The following PLG variants were observed in gnomAD, a reference collection of about 807,000 sequenced individuals.
The protein encoded by PLG is plasminogen, also known as plasmin.
In PLG, 41 loss-of-function variants were observed where a neutral mutation model predicts 104.4. That is an observed-to-expected ratio of 0.39 (90% CI 0.31 to 0.51). PLG has a LOEUF of 0.51. Ranked by LOEUF, PLG falls within the 20% of genes least tolerant of loss-of-function variation. The pLI, the probability that PLG is intolerant of heterozygous loss-of-function variation, is 0.76. For missense variants in PLG, 891 were observed against 1,003.6 expected, an observed-to-expected ratio of 0.89 and a Z score of 1.52; for synonymous variants, 337 against 357.1, an observed-to-expected ratio of 0.94 and a Z score of 0.63.
At chr6:160,711,485 T>C in intron 4 of PLG, 1 of 1,262,856 alleles carries the variant, frequency 7.9e-7, no homozygotes, top group Non-Finnish European at 1.1e-6. Flanking sequence ...CCACAGTTGG[T>C]TGAATTTGTG....
intron 10 of PLG, among the ~76,000 whole-genome samples, chr6:160,728,492 T>A (rs1704980835): frequency 1.0e-5 from 1 of 100,280 alleles, no homozygotes; most frequent in Admixed American, 1.1e-4. Context: ...GAGGACTTAC[T>A]TACCCAAAGG....
In PLG at chr6:160,753,038, G is replaced by A. The variant is rs774103177; in HGVS notation, c.2410G>A (p.Glu804Lys). 6.3e-7 allele frequency: 1 copy of A among 1,592,656 alleles called. No individual in the cohort carries two copies. Among genetic ancestry groups the A allele is most frequent in the South Asian group, 1.1e-5 (1 of 90,438 alleles). The change falls in exon 19 of 19, where the codon GAG becomes AAG. Residue 804 changes from glutamate to lysine, a missense_variant. Glu to Lys is a moderately conservative substitution (Grantham distance 56, BLOSUM62 1). Around this residue, in one of 2 missense-constraint regions of PLG, gnomAD observed 37 missense variants for 71.5 expected, o/e 0.52. Coordinates refer to ENST00000308192, the MANE Select transcript of PLG (RefSeq NM_000301.5). This position sits in a 1 kb window ranked among gnomAD's most constrained non-coding sequence, Gnocchi z 5.4. ...VRVSRFVTWI[E>K]GVMRNN ...TGTTTCAAGGTTTGTTACTTGGATTGAGGGAGTGATGAGAAATAATTAATT... is the reference window on the plus strand; with the variant it reads ...TGTTTCAAGGTTTGTTACTTGGATTAAGGGAGTGATGAGAAATAATTAATT...
intron 12 of PLG, among the ~76,000 whole-genome samples, chr6:160,733,758 C>T (rs951435201): frequency 6.2e-5 from 9 of 145,258 alleles, no homozygotes; most frequent in Non-Finnish European, 9.0e-5. Flanking sequence ...GCAGGAGAAT[C>T]GCTTGAACCC....
intron 1 of PLG, among the ~76,000 whole-genome samples, chr6:160,705,035 T>C (rs1025404891): frequency 3.3e-5 from 5 of 152,202 alleles, no homozygotes; most frequent in Non-Finnish European, 7.3e-5. Flanking sequence ...TGCTGCAGCC[T>C]CCACTGCTCT....
intron 1 of PLG, 111 bp from the exon 2 acceptor site, chr6:160,706,294 CAG>C (rs4252069): frequency 0.21 from 292,332 of 1,418,706 alleles, 36,336 homozygotes; most frequent in East Asian, 0.54. Context: ...TTCCAGTAAA[CAG>C]AAAGTTTTAT....
At chr6:160,720,488 C>T (rs375424579) in intron 9 of PLG, among the ~76,000 whole-genome samples, 10 of 128,308 alleles carry the variant, frequency 7.8e-5, no homozygotes, top group South Asian at 5.2e-4. Flanking sequence ...GGCGCAATCT[C>T]GGCTCACTGC....
At chr6:160,751,587 C>T (rs1404982469) in intron 17 of PLG, among the ~76,000 whole-genome samples, 1 of 152,140 alleles carries the variant, frequency 6.6e-6, no homozygotes, top group Non-Finnish European at 1.5e-5. Context: ...TCATGTGCAA[C>T]CATCATCATA....
chr6:160,718,610 T>C, intron 8 of PLG, 83 bp from the exon 9 acceptor site: 1 of 1,480,328 alleles, frequency 6.8e-7, no homozygotes. Context: ...GCACGTTTTT[T>C]CCCGTAACGG....
rs1344177192 is a variant in PLG, at chr6:160,714,870, C to A, written c.624C>A (p.Ala208=). Residue 208 remains alanine, a synonymous_variant, in exon 6 of 19, where the codon GCC becomes GCA. Coordinates refer to ENST00000308192, the MANE Select transcript of PLG (RefSeq NM_000301.5). ...SKTMSGLECQ[A]WDSQSPHAHG... ...CCATGTCTGGACTGGAATGCCAGGC[C>A]TGGGACTCTCAGAGCCCACACGCTC... 5 of 1,613,518 alleles carry A rather than the reference C, an allele frequency of 3.1e-6. No homozygotes were observed. Among genetic ancestry groups the A allele is most frequent in the Non-Finnish European group, 3.4e-6 (4 of 1,179,602 alleles).
intron 9 of PLG, among the ~76,000 whole-genome samples, chr6:160,720,451 A>C (rs1449052858): frequency 2.0e-5 from 2 of 102,224 alleles, no homozygotes; most frequent in Non-Finnish European, 3.5e-5. Flanking sequence ...ATGGAGCCTC[A>C]CTCTGTCACC....
rs1778070434 is a variant in PLG at position 160,735,339 on chromosome 6, G to A, written c.1681+1251G>A. ...TTCTTGCCTCAGACCCCACTACCGT[G>A]CCTGGGACTCATGCACCTTTGACTC... On this transcript the variant is annotated intron_variant, in intron 13 of 18. Coordinates refer to ENST00000308192, the MANE Select transcript of PLG (RefSeq NM_000301.5). This position sits in a 1 kb window ranked among gnomAD's most constrained non-coding sequence, Gnocchi z 5.4. Among the ~76,000 whole-genome samples, 1 of 152,130 alleles carries A rather than the reference G, an allele frequency of 6.6e-6. No individual in the cohort carries two copies. Among genetic ancestry groups the A allele is most frequent in the Admixed American group, 6.5e-5 (1 of 15,274 alleles).
chr6:160,733,932 T>C, intron 12 of PLG, 63 bp from the exon 13 acceptor site: 1 of 831,314 alleles, frequency 1.2e-6, no homozygotes, highest in Admixed American at 1.7e-5. Flanking sequence ...GCGTGAGCCT[T>C]GGAACACCTT....
chr6:160,712,457 T>C (rs570360470), intron 4 of PLG, among the ~76,000 whole-genome samples: 66 of 152,308 alleles, frequency 4.3e-4, no homozygotes, highest in Non-Finnish European at 7.5e-4. Context: ...TCATAGCTAT[T>C]TACACTTAGG....
Position 160,722,489 on chromosome 6 carries a change from C to T in PLG, c.1178C>T (p.Thr393Ile). 1.2e-6 allele frequency: 2 copies of T among 1,613,558 alleles called. No homozygotes were observed. Among genetic ancestry groups the T allele is most frequent in the East Asian group, 4.5e-5 (2 of 44,868 alleles). ...QSYRGTSSTT[T>I]TGKKCQSWSS... ...TACCGAGGCACATCCTCCACCACCA[C>T]CACAGGAAAGAAGTGTCAGTCTTGG... The change falls in exon 10 of 19, where the codon ACC becomes ATC. Residue 393 changes from threonine (T) to isoleucine (I), a missense_variant. By Grantham distance (89) the Thr-to-Ile change is moderately conservative (BLOSUM62 -1). Coordinates refer to ENST00000308192, the MANE Select transcript of PLG (RefSeq NM_000301.5).
At chr6:160,710,835 G>T (rs12527061) in intron 3 of PLG, among the ~76,000 whole-genome samples, 1 of 152,156 alleles carries the variant, frequency 6.6e-6, no homozygotes, top group Non-Finnish European at 1.5e-5. Context: ...ACTGTGCCCC[G>T]TGTGTCCCCA....
Position 160,719,806 on chromosome 6 carries a change from T to C in PLG, c.1096+968T>C, listed in dbSNP as rs760126257. On this transcript the variant is annotated intron_variant, in intron 9 of 18. Coordinates refer to ENST00000308192, the MANE Select transcript of PLG (RefSeq NM_000301.5). This position sits in a 1 kb window ranked among gnomAD's most constrained non-coding sequence, Gnocchi z 4.1. ...CCTCCCTCCCAAAATGCTATACTAT[T>C]ACTCTTTGTAATAGAAGCTTACTTC... Among the ~76,000 whole-genome samples the C allele has an allele frequency of 1.9e-4, 29 of 152,258 alleles. No individual in the cohort carries two copies. Among genetic ancestry groups the C allele is most frequent in the Non-Finnish European group, 3.1e-4 (21 of 68,040 alleles).
Position 160,738,218 on chromosome 6 carries a change from G to A in PLG, c.1803-320G>A, listed in dbSNP as rs1778120696. Among the ~76,000 whole-genome samples, 1 of 152,212 alleles carries A rather than the reference G, an allele frequency of 6.6e-6. No individual in the cohort carries two copies. The highest frequency in any genetic ancestry group is 2.4e-5 in the African/African-American group (1 of 41,456). Reference sequence around the variant, plus strand: ...GGAAGGTCTTGGGCTGGTGGCTTCTGTTGGAGTCCTGGGCTGTGGGGTGAA... The same window carrying A: ...GGAAGGTCTTGGGCTGGTGGCTTCTATTGGAGTCCTGGGCTGTGGGGTGAA... On this transcript the variant is annotated intron_variant, in intron 14 of 18. Coordinates refer to ENST00000308192, the MANE Select transcript of PLG (RefSeq NM_000301.5). The surrounding 1 kb of genome is among the most constrained non-coding windows in gnomAD (Gnocchi z 6.8).
intron 1 of PLG, chr6:160,705,946 AC>A (rs1396308412): frequency 4.1e-5 from 8 of 197,328 alleles, no homozygotes; most frequent in Non-Finnish European, 7.3e-5. Context: ...CATAGTTCTA[AC>A]CTGTTTGTCA....
At position 160,735,385 on chromosome 6, in the gene PLG, A is replaced by G. The variant is rs530581583; in HGVS notation, c.1681+1297A>G. 8.5e-5 allele frequency among the ~76,000 whole-genome samples: 13 copies of G among 152,344 alleles called. No individual in the cohort carries two copies. The highest frequency in any genetic ancestry group is 3.4e-3 in the Middle Eastern group (1 of 294). On this transcript the variant is annotated intron_variant, in intron 13 of 18. Coordinates refer to ENST00000308192, the MANE Select transcript of PLG (RefSeq NM_000301.5). The surrounding 1 kb of genome is among the most constrained non-coding windows in gnomAD (Gnocchi z 5.4). ...GACTCCCATGGAAGGGAAGTGCAGT[A>G]GTTTCCCAGGTGCAATTCTGGTGTC...
Sources: allele counts gnomAD v4.1 joint callset (sites outside exome capture counted in the v4.1 genomes callset), GRCh38; gene constraint gnomAD v4.1.1; regional missense constraint gnomAD v4.1.1; non-coding constraint Gnocchi (gnomAD v3.1); transcripts MANE v1.5; gene names NCBI Gene and HGNC (gene_info 2026-07-23, HGNC 2026-07-21).